The following CSMD1 variants were observed in gnomAD, a reference collection of about 807,000 sequenced individuals.
The protein encoded by CSMD1 is CUB and sushi domain-containing protein 1.
In CSMD1, 213 loss-of-function variants were observed where a neutral mutation model predicts 417.5. That is an observed-to-expected ratio of 0.51 (90% CI 0.46 to 0.57). The LOEUF is 0.57. Ranked by LOEUF, CSMD1 falls within the 20% of genes least tolerant of loss-of-function variation. CSMD1 has a pLI of 0.00. For synonymous variants in CSMD1, 2,862 were observed against 1,736.8 expected (o/e 1.65, Z -16.11); for missense variants, 6,923 against 4,529.7 (o/e 1.53, Z -15.17).
intron 1 of CSMD1, among the ~76,000 whole-genome samples, chr8:4,834,983 AAGAAAG>A (rs549047700): frequency 3.6e-4 from 12 of 32,896 alleles, no homozygotes; most frequent in East Asian, 2.7e-3. Context: ...AAAAAAAAGA[AAGAAAG>A]AAAGAAAGAA....
chr8:4,796,257 G>A (rs1254839469), intron 1 of CSMD1, among the ~76,000 whole-genome samples: 3 of 151,910 alleles, frequency 2.0e-5, no homozygotes, highest in African/African-American at 4.8e-5. Flanking sequence ...TTGCTGTGAG[G>A]CTGGAACAAG....
At chr8:3,733,341 C>G (rs1563322043) in intron 6 of CSMD1, among the ~76,000 whole-genome samples, 1 of 146,440 alleles carries the variant, frequency 6.8e-6, no homozygotes, top group Non-Finnish European at 1.5e-5. Flanking sequence ...TATACACAGA[C>G]ATATATATTA....
intron 3 of CSMD1, among the ~76,000 whole-genome samples, chr8:4,116,265 A>G (rs966642669): frequency 6.6e-6 from 1 of 151,946 alleles, no homozygotes; most frequent in Non-Finnish European, 1.5e-5. Flanking sequence ...CAGTGCTGGG[A>G]TTACAAGTGT....
In CSMD1 at chr8:3,157,927, G is replaced by A. The variant is rs2129038493; in HGVS notation, c.5884C>T (p.Arg1962Cys). 3.9e-6 allele frequency: 6 copies of A among 1,555,000 alleles called. No homozygotes were observed. Among genetic ancestry groups the A allele is most frequent in the East Asian group, 2.4e-5 (1 of 41,094 alleles). The change falls in exon 39 of 70, where the codon CGT becomes TGT. Residue 1962 changes from arginine (R) to cysteine (C), a missense_variant. Arg to Cys is a radical substitution (Grantham distance 180). Transcript: ENST00000635120. Reference protein sequence around the residue: ...HISCMPGTVRRWNYPSPLCIA... With the variant: ...HISCMPGTVRCWNYPSPLCIA... ...CACAGGGGAGACGGATAGTTCCAAC[G>A]GCGAACGGTCCCTGGCATACAGGAA...
At chr8:3,686,670 C>A (rs1348148351) in intron 7 of CSMD1, among the ~76,000 whole-genome samples, 1 of 152,176 alleles carries the variant, frequency 6.6e-6, no homozygotes, top group African/African-American at 2.4e-5. Context: ...AACACTTATC[C>A]ACCTGGTCAC....
chr8:3,378,079 G>A (rs1010229486), intron 18 of CSMD1, among the ~76,000 whole-genome samples: 1 of 152,154 alleles, frequency 6.6e-6, no homozygotes, highest in Admixed American at 6.6e-5. Flanking sequence ...GGATGAAGAA[G>A]GGTATTGAAT....
At chr8:4,655,590 ACTT>A (rs375235249) in intron 1 of CSMD1, among the ~76,000 whole-genome samples, 174 of 152,214 alleles carry the variant, frequency 1.1e-3, no homozygotes, top group African/African-American at 4.1e-3. Context: ...TTTTCAAAAA[ACTT>A]CTGTGTAAGT....
At chr8:3,773,335 G>A (rs1293886928) in intron 5 of CSMD1, among the ~76,000 whole-genome samples, 2 of 152,312 alleles carry the variant, frequency 1.3e-5, no homozygotes, top group South Asian at 2.1e-4. Flanking sequence ...CCAGGCTGGA[G>A]TGCAGTGGTG....
chr8:3,052,407 G>C (rs1811878173), intron 50 of CSMD1, 55 bp downstream of exon 50: 3 of 1,414,402 alleles, frequency 2.1e-6, no homozygotes, highest in African/African-American at 1.4e-5. Flanking sequence ...TCTCCCGAAA[G>C]CATTCAGTTC....
chr8:3,901,844 C>T lies in CSMD1; in HGVS notation c.818+96059G>A, dbSNP rs371259849. Among the ~76,000 whole-genome samples the T allele has an allele frequency of 7.2e-5, 11 of 152,270 alleles. No individual in the cohort carries two copies. In the East Asian group the frequency reaches 1.9e-3, roughly 27 times the overall value. On this transcript the variant is annotated intron_variant, in intron 5 of 69. Transcript: ENST00000635120. Reference sequence around the variant, plus strand: ...ATTCTTTGTTTGCATCCTGATATTACCATGGTTTTATTATACTGTACTCTT... The same window carrying T: ...ATTCTTTGTTTGCATCCTGATATTATCATGGTTTTATTATACTGTACTCTT...
At chr8:4,291,534 T>C (rs752885246) in intron 3 of CSMD1, among the ~76,000 whole-genome samples, 1 of 152,202 alleles carries the variant, frequency 6.6e-6, no homozygotes, top group Admixed American at 6.5e-5. Context: ...CATTTTGATT[T>C]ACACATAAAA....
intron 46 of CSMD1, among the ~76,000 whole-genome samples, chr8:3,102,584 G>C (rs1364894575): frequency 6.6e-6 from 1 of 152,186 alleles, no homozygotes; most frequent in East Asian, 1.9e-4. Flanking sequence ...CAGGCTGGGA[G>C]AAATGCATCT....
intron 10 of CSMD1, among the ~76,000 whole-genome samples, chr8:3,548,214 G>A (rs1365910067): frequency 6.6e-6 from 1 of 152,128 alleles, no homozygotes; most frequent in African/African-American, 2.4e-5. Context: ...AGCCACAAGG[G>A]CTGATGGAGC....
chr8:3,147,253 G>C (rs1375594098), intron 40 of CSMD1, among the ~76,000 whole-genome samples: 1 of 152,038 alleles, frequency 6.6e-6, no homozygotes, highest in Non-Finnish European at 1.5e-5. Context: ...GTTTTGATTT[G>C]TCATGCTGTT....
chr8:4,088,652 T>G (rs1007525436), intron 3 of CSMD1, among the ~76,000 whole-genome samples: 1 of 152,150 alleles, frequency 6.6e-6, no homozygotes. Context: ...CCAAAGTCAT[T>G]GTCTTCATGT....
intron 30 of CSMD1, among the ~76,000 whole-genome samples, chr8:3,213,296 C>G (rs1426102464): frequency 6.6e-6 from 1 of 152,164 alleles, no homozygotes; most frequent in Non-Finnish European, 1.5e-5. Flanking sequence ...CCATGAAGTT[C>G]TACCTCATTC....
chr8:3,465,462 G>A (rs996025246), intron 12 of CSMD1, among the ~76,000 whole-genome samples: 4 of 152,252 alleles, frequency 2.6e-5, no homozygotes, highest in Non-Finnish European at 4.4e-5. Flanking sequence ...CCTGGTCCAC[G>A]TGTCCTGAGG....
intron 25 of CSMD1, among the ~76,000 whole-genome samples, chr8:3,286,711 T>C (rs1803188311): frequency 6.6e-6 from 1 of 152,050 alleles, no homozygotes; most frequent in Non-Finnish European, 1.5e-5. Flanking sequence ...TCATTGTAGA[T>C]TCTGGTTATT....
At chr8:4,844,838 T>C (rs1216139822) in intron 1 of CSMD1, among the ~76,000 whole-genome samples, 2 of 152,262 alleles carry the variant, frequency 1.3e-5, no homozygotes, top group Non-Finnish European at 2.9e-5. Context: ...GCCTTAAAAA[T>C]TTAAAAAGCT....
Sources: gnomAD v4.1 joint callset for allele counts (sites outside exome capture counted in the v4.1 genomes callset) on GRCh38, gnomAD v4.1.1 for gene constraint, MANE v1.5 for transcripts, NCBI Gene and HGNC (gene_info 2026-07-23, HGNC 2026-07-21) for gene names.